Variants in ZBTB20 observed in about 807,000 individuals in gnomAD.
The protein encoded by ZBTB20 is zinc finger and BTB domain-containing protein 20.
ZBTB20 carries 9 observed loss-of-function variants against 56.9 expected under a neutral mutation model. The observed-to-expected ratio is 0.16, with a 90% confidence interval of 0.10 to 0.28. The LOEUF (loss-of-function observed/expected upper bound fraction) is 0.28, where lower values mean the gene tolerates loss of function less well. Ranked by LOEUF, ZBTB20 falls within the 10% of genes least tolerant of loss-of-function variation. The pLI is 1.00. For missense variants in ZBTB20, 655 were observed against 1,003.0 expected, an observed-to-expected ratio of 0.65 and a Z score of 4.69; for synonymous variants, 417 against 420.7, an observed-to-expected ratio of 0.99 and a Z score of 0.11.
At chr3:114,593,604 G>T (rs1257680171) in intron 6 of ZBTB20, among the ~76,000 whole-genome samples, 1 of 152,020 alleles carries the variant, frequency 6.6e-6, no homozygotes, top group Non-Finnish European at 1.5e-5. Context: ...GGCTGGTCTC[G>T]ATCTCTCGAC....
Position 115,060,483 on chromosome 3 carries a change from T to C in ZBTB20, c.-507+10736A>G, listed in dbSNP as rs142138962. ...ATGCTGAGAGGATTCTTTCTTAAGA[T>C]ACTCATCACAGGGCATTTATGTGAT... On this transcript the variant is annotated intron_variant, in intron 2 of 11. Transcript: ENST00000675478. Among the ~76,000 whole-genome samples the C allele has an allele frequency of 2.4e-3, 359 of 152,266 alleles. 2 individuals are homozygous for C. Among genetic ancestry groups the C allele is most frequent in the Non-Finnish European group, 4.1e-3 (282 of 67,988 alleles).
chr3:114,687,531 A>G (rs1467938518), intron 6 of ZBTB20: 1 of 151,850 alleles, frequency 6.6e-6, no homozygotes, highest in African/African-American at 2.4e-5. Flanking sequence ...AAATATGCAC[A>G]GGGCCCTTAA....
At chr3:114,509,387 G>A (rs1443096676) in intron 6 of ZBTB20, among the ~76,000 whole-genome samples, 2 of 151,478 alleles carry the variant, frequency 1.3e-5, no homozygotes, top group Non-Finnish European at 2.9e-5. Context: ...TTTTTTCACA[G>A]GTAATAAGCA....
chr3:114,798,168 T>C (rs2071450719), intron 5 of ZBTB20, among the ~76,000 whole-genome samples: 1 of 151,800 alleles, frequency 6.6e-6, no homozygotes, highest in South Asian at 2.1e-4. Flanking sequence ...TATGGTTCTG[T>C]TCAGATTACT....
At chr3:114,434,891 C>T (rs2090408796) in intron 7 of ZBTB20, among the ~76,000 whole-genome samples, 1 of 152,104 alleles carries the variant, frequency 6.6e-6, no homozygotes, top group African/African-American at 2.4e-5. Flanking sequence ...AGGTGTCTGG[C>T]ATCTTTCCTG....
At chr3:114,528,255 C>T (rs2047456498) in intron 6 of ZBTB20, among the ~76,000 whole-genome samples, 1 of 151,850 alleles carries the variant, frequency 6.6e-6, no homozygotes, top group Non-Finnish European at 1.5e-5. Flanking sequence ...AAAATAAAAG[C>T]AACAAAAACT....
At chr3:114,454,157 G>A (rs2091832691) in intron 7 of ZBTB20, among the ~76,000 whole-genome samples, 3 of 137,764 alleles carry the variant, frequency 2.2e-5, no homozygotes, top group Admixed American at 1.5e-4. Context: ...GAGAGAGGAA[G>A]AGAGAGGAAA....
chr3:114,622,918 T>A (rs1406552421), intron 6 of ZBTB20, among the ~76,000 whole-genome samples: 2 of 152,326 alleles, frequency 1.3e-5, no homozygotes, highest in Non-Finnish European at 1.5e-5. Context: ...TTGTGATTCC[T>A]GGAAGTTTCA....
At chr3:114,882,117 A>C (rs1225459523) in intron 4 of ZBTB20, among the ~76,000 whole-genome samples, 1 of 151,974 alleles carries the variant, frequency 6.6e-6, no homozygotes, top group Non-Finnish European at 1.5e-5. Context: ...AAATATTTTT[A>C]AAAACTCAAT....
intron 1 of ZBTB20, among the ~76,000 whole-genome samples, chr3:115,138,183 C>G (rs1356045808): frequency 1.3e-5 from 2 of 151,946 alleles, no homozygotes; most frequent in African/African-American, 4.8e-5. Flanking sequence ...TTTAGTTTTC[C>G]TTTTTGACCT....
intron 2 of ZBTB20, among the ~76,000 whole-genome samples, chr3:115,029,720 C>T (rs1237257022): frequency 4.0e-5 from 6 of 150,626 alleles, no homozygotes; most frequent in African/African-American, 1.2e-4. Flanking sequence ...GCCTATCTCA[C>T]ACTGTATATC....
intron 4 of ZBTB20, among the ~76,000 whole-genome samples, chr3:114,867,753 C>G (rs1687874973): frequency 6.6e-6 from 1 of 152,154 alleles, no homozygotes; most frequent in Admixed American, 6.5e-5. Context: ...CTCTTACATA[C>G]ATACTTTGTT....
intron 7 of ZBTB20, among the ~76,000 whole-genome samples, chr3:114,427,681 A>AT (rs1314599213): frequency 6.6e-6 from 1 of 152,234 alleles, no homozygotes; most frequent in Non-Finnish European, 1.5e-5. Flanking sequence ...CAAAAATAAG[A>AT]TTTGGTGTCT....
At chr3:115,063,000 C>T (rs2082067376) in intron 2 of ZBTB20, among the ~76,000 whole-genome samples, 1 of 152,154 alleles carries the variant, frequency 6.6e-6, no homozygotes, top group African/African-American at 2.4e-5. Flanking sequence ...TTCTCCTTAG[C>T]CATCAATAGT....
rs1300106922 is a variant in ZBTB20, at chr3:114,787,368, T to TACAC, written c.-343+13729_-343+13732dup. On this transcript the variant is annotated intron_variant, in intron 5 of 11. Coordinates refer to ENST00000675478, the MANE Select transcript of ZBTB20 (RefSeq NM_001348800.3). ...ATATATATATATATATATATATATA[T>TACAC]ACACACACACACACACACACACACA... 2.5e-3 allele frequency among the ~76,000 whole-genome samples: 265 copies of TACAC among 106,266 alleles called. 5 individuals are homozygous for TACAC. Among genetic ancestry groups the TACAC allele is most frequent in the African/African-American group, 0.011 (246 of 22,014 alleles). The allele number at this position is 106,266 out of a possible 152,430, so 69.7% of individuals were successfully genotyped here.
chr3:115,033,711 C>CA lies in ZBTB20; in HGVS notation c.-507+37507dup, dbSNP rs1226325971. Reference sequence around the variant, plus strand: ...AAAAAGAATCCCTCTCAAACTTTTCCAAAAAAATCAGAGAAGGAAACACTC... The same window carrying CA: ...AAAAAGAATCCCTCTCAAACTTTTCCAAAAAAAATCAGAGAAGGAAACACTC... On this transcript the variant is annotated intron_variant, in intron 2 of 11. Coordinates refer to ENST00000675478, the MANE Select transcript of ZBTB20 (RefSeq NM_001348800.3). 2.6e-5 allele frequency among the ~76,000 whole-genome samples: 4 copies of CA among 151,332 alleles called. No homozygotes were observed. In the East Asian group the frequency reaches 7.7e-4, roughly 29 times the overall value.
chr3:114,677,937 A>G (rs1361657846), intron 6 of ZBTB20, among the ~76,000 whole-genome samples: 1 of 152,156 alleles, frequency 6.6e-6, no homozygotes, highest in Non-Finnish European at 1.5e-5. Flanking sequence ...TAAGAAGGTT[A>G]TATGTTAAGG....
chr3:115,013,997 G>C (rs1315445962), intron 2 of ZBTB20, among the ~76,000 whole-genome samples: 1 of 151,418 alleles, frequency 6.6e-6, no homozygotes, highest in Admixed American at 6.6e-5. Context: ...TTATTGCAGT[G>C]ATATTTATAA....
chr3:114,451,242 A>AT (rs2091589260), intron 7 of ZBTB20, among the ~76,000 whole-genome samples: 1 of 151,032 alleles, frequency 6.6e-6, no homozygotes, highest in Non-Finnish European at 1.5e-5. Context: ...AAAAAAGTTT[A>AT]TTAAAGTGAA....
Sources: allele counts gnomAD v4.1 joint callset (sites outside exome capture counted in the v4.1 genomes callset), GRCh38; gene constraint gnomAD v4.1.1; transcripts MANE v1.5; gene names NCBI Gene and HGNC (gene_info 2026-07-23, HGNC 2026-07-21).